DCC: variants seen among roughly 807,000 people sequenced by gnomAD.
The protein encoded by DCC is DCC netrin 1 receptor.
In DCC, 58 loss-of-function variants were observed where a neutral mutation model predicts 172.5. The ratio of observed to expected loss-of-function variants is 0.34; its 90% CI spans 0.27 to 0.42. The LOEUF (loss-of-function observed/expected upper bound fraction) is 0.42. Ranked by LOEUF, DCC falls within the 10% of genes least tolerant of loss-of-function variation. The pLI, the probability that DCC is intolerant of heterozygous loss-of-function variation, is 1.00. For missense variants in DCC, 1,740 were observed against 1,791.0 expected (o/e 0.97, Z 0.51); for synonymous variants, 709 against 644.5 (o/e 1.10, Z -1.52).
At chr18:53,487,473 A>G (rs898610301) in intron 26 of DCC, among the ~76,000 whole-genome samples, 2 of 151,902 alleles carry the variant, frequency 1.3e-5, no homozygotes, top group African/African-American at 4.8e-5. Flanking sequence ...TAGGAATGAA[A>G]AGAGACTCTC....
intron 1 of DCC, among the ~76,000 whole-genome samples, chr18:52,713,981 A>C (rs909286141): frequency 5.3e-5 from 8 of 152,198 alleles, no homozygotes; most frequent in Non-Finnish European, 8.8e-5. Flanking sequence ...TAGGACTACA[A>C]ACTATCATCT....
At chr18:53,514,135 G>A (rs1415699667) in intron 27 of DCC, among the ~76,000 whole-genome samples, 1 of 152,114 alleles carries the variant, frequency 6.6e-6, no homozygotes, top group African/African-American at 2.4e-5. Flanking sequence ...CTAGAACTCA[G>A]GATTAAGAAT....
At chr18:53,442,313 A>G (rs183396794) in intron 22 of DCC, among the ~76,000 whole-genome samples, 164 of 152,300 alleles carry the variant, frequency 1.1e-3, no homozygotes, top group African/African-American at 3.9e-3. Flanking sequence ...TCTATGTGAC[A>G]TTTTGGTAAT....
At chr18:52,394,116 A>T (rs1986129909) in intron 1 of DCC, among the ~76,000 whole-genome samples, 1 of 152,082 alleles carries the variant, frequency 6.6e-6, no homozygotes, top group Non-Finnish European at 1.5e-5. Context: ...TGAGAAGCTC[A>T]TCTCTAAAGC....
intron 1 of DCC, among the ~76,000 whole-genome samples, chr18:52,697,383 G>C (rs1440150913): frequency 1.3e-5 from 2 of 152,136 alleles, no homozygotes; most frequent in Non-Finnish European, 2.9e-5. Flanking sequence ...CAGCGATATG[G>C]GATGGGTTAT....
At position 53,373,915 on chromosome 18, in the gene DCC, T is replaced by C. The variant is rs940630154; in HGVS notation, c.2360-12128T>C. The stretch of plus-strand genomic sequence containing the variant: ...ATATGTATGCAAACTATTAAACTCC[T>C]ACCCATGCTATAAAGTCATAGTATG... On this transcript the variant is annotated intron_variant, in intron 15 of 28. Coordinates refer to ENST00000442544, the MANE Select transcript of DCC (RefSeq NM_005215.4). 2.0e-5 allele frequency among the ~76,000 whole-genome samples: 3 copies of C among 152,354 alleles called. No individual in the cohort carries two copies. The East Asian group carries it at 5.8e-4, about 29-fold the overall frequency.
intron 1 of DCC, among the ~76,000 whole-genome samples, chr18:52,595,143 T>A (rs955498586): frequency 4.6e-5 from 7 of 152,152 alleles, no homozygotes; most frequent in Non-Finnish European, 1.0e-4. Flanking sequence ...TTATGGTCCT[T>A]CTCCTGGAAG....
intron 22 of DCC, among the ~76,000 whole-genome samples, chr18:53,436,230 C>T (rs1160164030): frequency 6.6e-6 from 1 of 152,172 alleles, no homozygotes; most frequent in African/African-American, 2.4e-5. Flanking sequence ...TATCCTGCTA[C>T]AACTTGCTTT....
At chr18:53,319,695 C>G (rs1451789855) in intron 13 of DCC, among the ~76,000 whole-genome samples, 1 of 152,184 alleles carries the variant, frequency 6.6e-6, no homozygotes, top group East Asian at 1.9e-4. Context: ...CTGGGCAGGC[C>G]ATTAAGAGGG....
intron 10 of DCC, among the ~76,000 whole-genome samples, chr18:53,206,000 C>T (rs1158350476): frequency 1.3e-5 from 2 of 150,244 alleles, no homozygotes; most frequent in Non-Finnish European, 3.0e-5. Flanking sequence ...CATGCACACA[C>T]ATATGTTAAA....
At chr18:52,343,764 T>C (rs1983758510) in intron 1 of DCC, among the ~76,000 whole-genome samples, 2 of 152,262 alleles carry the variant, frequency 1.3e-5, no homozygotes, top group Admixed American at 1.3e-4. Context: ...TTTAATGTAG[T>C]CTGGATATGC....
intron 1 of DCC, among the ~76,000 whole-genome samples, chr18:52,495,348 C>G (rs2030699960): frequency 1.3e-5 from 2 of 152,080 alleles, no homozygotes; most frequent in African/African-American, 4.8e-5. Flanking sequence ...CTTCTTGTTT[C>G]TCTATCCCCA....
chr18:52,909,309 G>A (rs1033738680), intron 3 of DCC, among the ~76,000 whole-genome samples: 1 of 152,084 alleles, frequency 6.6e-6, no homozygotes, highest in African/African-American at 2.4e-5. Context: ...CATGACTTAG[G>A]ACTATTCAAC....
intron 5 of DCC, among the ~76,000 whole-genome samples, chr18:53,052,348 GTTCT>G (rs1187143012): frequency 6.6e-6 from 1 of 151,938 alleles, no homozygotes; most frequent in South Asian, 2.1e-4. Flanking sequence ...TCTGGATTAA[GTTCT>G]TTGTTTCTTA....
chr18:53,305,936 T>A (rs547491619), intron 13 of DCC, among the ~76,000 whole-genome samples: 3 of 152,236 alleles, frequency 2.0e-5, no homozygotes, highest in African/African-American at 4.8e-5. Context: ...TCTTAATACA[T>A]GTATCATAAA....
At chr18:52,587,065 G>A (rs936957832) in intron 1 of DCC, among the ~76,000 whole-genome samples, 8 of 152,310 alleles carry the variant, frequency 5.3e-5, no homozygotes, top group Middle Eastern at 3.4e-3. Context: ...ACCCATAGCC[G>A]TAGTAAGTGT....
intron 1 of DCC, among the ~76,000 whole-genome samples, chr18:52,583,220 G>A (rs1037412652): frequency 3.6e-4 from 55 of 152,230 alleles, no homozygotes; most frequent in Admixed American, 2.9e-3. Context: ...AAAAGCTAGC[G>A]TAAGATAGGT....
intron 5 of DCC, among the ~76,000 whole-genome samples, chr18:53,039,625 G>A (rs553556362): frequency 6.6e-6 from 1 of 152,026 alleles, no homozygotes; most frequent in Non-Finnish European, 1.5e-5. Flanking sequence ...TTGTCCTCTA[G>A]CCAAGAGGGA....
intron 12 of DCC, among the ~76,000 whole-genome samples, chr18:53,275,897 A>G (rs2056800769): frequency 6.7e-6 from 1 of 148,290 alleles, no homozygotes; most frequent in African/African-American, 2.7e-5. Context: ...ACTCCTTTAG[A>G]GTTAAAGCAG....
Sources: allele counts gnomAD v4.1 joint callset (sites outside exome capture counted in the v4.1 genomes callset), GRCh38; gene constraint gnomAD v4.1.1; transcripts MANE v1.5; gene names NCBI Gene and HGNC (gene_info 2026-07-23, HGNC 2026-07-21).